The following ZBBX variants were observed in gnomAD, a reference collection of about 807,000 sequenced individuals.
ZBBX encodes zinc finger B-box domain containing, also known as zinc finger B-box domain-containing protein 1.
ZBBX carries 101 observed loss-of-function variants against 108.5 expected under a neutral mutation model. The observed-to-expected ratio is 0.93, with a 90% confidence interval of 0.79 to 1.10. ZBBX has a LOEUF of 1.10. Ranked by LOEUF, ZBBX falls within the 50% of genes least tolerant of loss-of-function variation. ZBBX has a pLI of 0.00. For synonymous variants in ZBBX, 356 were observed against 323.4 expected (o/e 1.10, Z -1.08); for missense variants, 1,009 against 941.4 (o/e 1.07, Z -0.94).
intron 1 of ZBBX, among the ~76,000 whole-genome samples, chr3:167,390,317 G>C (rs1024696161): frequency 1.3e-5 from 2 of 151,934 alleles, no homozygotes; most frequent in African/African-American, 2.4e-5. Context: ...TGTTCCATTG[G>C]TCTATATATC....
At chr3:167,183,116 G>A in the ZBBX span, among the ~76,000 whole-genome samples, 1 of 152,184 alleles carries the variant, frequency 6.6e-6, no homozygotes, top group Non-Finnish European at 1.5e-5. Context: ...CAGAAGGGTA[G>A]GGACAAACCT....
At chr3:167,263,091 G>A (rs1177770464) in intron 20 of ZBBX, among the ~76,000 whole-genome samples, 1 of 134,134 alleles carries the variant, frequency 7.5e-6, no homozygotes, top group East Asian at 2.4e-4. Flanking sequence ...AGGCTTGAGT[G>A]CAGTGATGTA....
chr3:167,404,556 C>T (rs867180202), intron 1 of ZBBX, among the ~76,000 whole-genome samples: 13 of 137,676 alleles, frequency 9.4e-5, no homozygotes, highest in Admixed American at 3.6e-4. Flanking sequence ...CCTTTCTCCA[C>T]GCCCATTCAA....
chr3:167,242,577 T>A lies in ZBBX; in HGVS notation c.2321A>T (p.Asn774Ile). ...GAAATCTGTGGAAATCTGACTTATA[T>A]TCAGTGATTGGCTGCTGAAATCTGG... ...EFPDFSSQSL[N>I]ISQISTDFLK... Residue 774 changes from asparagine (N) to isoleucine (I), a missense_variant, in exon 21 of 22, where the codon AAT becomes ATT. Transcript: ENST00000675490. 2.5e-6 allele frequency: 4 copies of A among 1,613,806 alleles called. No homozygotes were observed. Among genetic ancestry groups the A allele is most frequent in the Non-Finnish European group, 3.4e-6 (4 of 1,179,850 alleles).
the ZBBX span, among the ~76,000 whole-genome samples, chr3:167,217,490 G>T: frequency 6.6e-6 from 1 of 152,076 alleles, no homozygotes; most frequent in Non-Finnish European, 1.5e-5. Flanking sequence ...GGTTACAGAG[G>T]AAAGAGAACA....
chr3:167,181,128 A>G, the ZBBX span, among the ~76,000 whole-genome samples: 1 of 152,200 alleles, frequency 6.6e-6, no homozygotes, highest in African/African-American at 2.4e-5. Context: ...GCCGCCATCA[A>G]AAATGATACC....
the ZBBX span, among the ~76,000 whole-genome samples, chr3:167,218,012 G>T: frequency 6.6e-6 from 1 of 151,780 alleles, no homozygotes; most frequent in Non-Finnish European, 1.5e-5. Flanking sequence ...CAAAGTGCTG[G>T]GATTACAGGC....
At chr3:167,390,913 C>T (rs761668726) in intron 1 of ZBBX, among the ~76,000 whole-genome samples, 2 of 152,076 alleles carry the variant, frequency 1.3e-5, no homozygotes, top group African/African-American at 2.4e-5. Context: ...TCTAAATGTA[C>T]AATTATGTCA....
chr3:167,235,390 G>C (rs1250565470), downstream of ZBBX, among the ~76,000 whole-genome samples: 3 of 151,368 alleles, frequency 2.0e-5, no homozygotes, highest in Non-Finnish European at 4.4e-5. Flanking sequence ...CAGTTTAAAA[G>C]ACTTATTTCA....
At chr3:167,192,621 T>C in the ZBBX span, among the ~76,000 whole-genome samples, 1 of 152,224 alleles carries the variant, frequency 6.6e-6, no homozygotes, top group Admixed American at 6.5e-5. Context: ...ATTTGCATTT[T>C]TGAGGTCATT....
intron 1 of ZBBX, among the ~76,000 whole-genome samples, chr3:167,387,834 G>A (rs1057187120): frequency 1.3e-5 from 2 of 151,964 alleles, no homozygotes; most frequent in African/African-American, 4.8e-5. Flanking sequence ...AGAGGCTGAG[G>A]AGTGAAGGAT....
At chr3:167,190,077 T>C in the ZBBX span, among the ~76,000 whole-genome samples, 5 of 152,184 alleles carry the variant, frequency 3.3e-5, 1 homozygote, top group Admixed American at 1.3e-4. Flanking sequence ...GTTTTCTATT[T>C]TCCTTTTTAT....
At chr3:167,317,133 C>T in intron 13 of ZBBX, 28 bp from the exon 14 acceptor site, 1 of 1,387,876 alleles carries the variant, frequency 7.2e-7, no homozygotes, top group Admixed American at 1.8e-5. Context: ...CAAATAATAT[C>T]ATCAAAGAAT....
chr3:167,322,255 A>G lies in ZBBX; in HGVS notation c.863-18T>C. ...CAATGAGTCTGTAAAAATAAACACA[A>G]TGTGCATAATTAAAATAAGCAAGTT... On this transcript the variant is annotated intron_variant, in intron 11 of 21. Transcript: ENST00000675490. The G allele has an allele frequency of 1.4e-6, 2 of 1,432,018 alleles. No homozygotes were observed. The highest frequency in any genetic ancestry group is 1.7e-5 in the South Asian group (1 of 58,290). The allele number at this position is 1,432,018 out of a possible 1,614,324, so 88.7% of individuals were successfully genotyped here.
At chr3:167,241,814 C>G (rs1347261492) in intron 21 of ZBBX, among the ~76,000 whole-genome samples, 2 of 152,160 alleles carry the variant, frequency 1.3e-5, no homozygotes, top group Non-Finnish European at 2.9e-5. Flanking sequence ...TCCCTTTTTA[C>G]TGCAGTATCA....
intron 17 of ZBBX, among the ~76,000 whole-genome samples, chr3:167,298,754 C>A (rs567429279): frequency 6.6e-6 from 1 of 151,932 alleles, no homozygotes; most frequent in Non-Finnish European, 1.5e-5. Context: ...AGTGTCTTTG[C>A]ACATAAATTA....
intron 2 of ZBBX, among the ~76,000 whole-genome samples, chr3:167,377,390 T>C (rs1747132659): frequency 6.6e-6 from 1 of 152,158 alleles, no homozygotes; most frequent in African/African-American, 2.4e-5. Context: ...TGAAAACTTA[T>C]CTAAGTTTAG....
chr3:167,336,989 T>C (rs1390075354), intron 9 of ZBBX, among the ~76,000 whole-genome samples: 2 of 152,120 alleles, frequency 1.3e-5, no homozygotes, highest in Non-Finnish European at 2.9e-5. Flanking sequence ...CAGAGTACGT[T>C]TTATTCTATA....
In ZBBX at chr3:167,251,925, A is replaced by AACACACACACACACACAC. The variant is rs3221849; in HGVS notation, c.2255-9300_2255-9283dup. 7.0e-3 allele frequency among the ~76,000 whole-genome samples: 1,001 copies of AACACACACACACACACAC among 143,788 alleles called. 18 individuals carry two copies. The highest frequency in any genetic ancestry group is 0.025 in the African/African-American group (928 of 37,828). The allele number at this position is 143,788 out of a possible 152,430, so 94.3% of individuals were successfully genotyped here. A position where few individuals can be genotyped will look rare whatever the true frequency, so the allele number is the denominator to read the frequency against. ...CGATTCATCATGATGTTGTGCCTGC[A>AACACACACACACACACAC]ACACACACACACACACACACACACA... On this transcript the variant is annotated intron_variant, in intron 20 of 21. Coordinates refer to ENST00000675490, the MANE Select transcript of ZBBX (RefSeq NM_001199201.2).
Sources: gnomAD v4.1 joint callset for allele counts (sites outside exome capture counted in the v4.1 genomes callset) on GRCh38, gnomAD v4.1.1 for gene constraint, MANE v1.5 for transcripts, NCBI Gene and HGNC (gene_info 2026-07-23, HGNC 2026-07-21) for gene names.